The following VPS13B variants were observed in gnomAD, a reference collection of about 807,000 sequenced individuals.
The protein encoded by VPS13B is intermembrane lipid transfer protein VPS13B.
In VPS13B, 285 loss-of-function variants were observed where a neutral mutation model predicts 426.4. That is an observed-to-expected ratio of 0.67 (90% CI 0.61 to 0.74). The LOEUF is 0.74. Ranked by LOEUF, VPS13B falls within the 30% of genes least tolerant of loss-of-function variation. The pLI, the probability that VPS13B is intolerant of heterozygous loss-of-function variation, is 0.00. For synonymous variants in VPS13B, 1,676 were observed against 1,676.4 expected (o/e 1.00, Z 0.01); for missense variants, 4,537 against 4,782.6 (o/e 0.95, Z 1.51).
chr8:99,207,162 A>G (rs1015783577), intron 17 of VPS13B, among the ~76,000 whole-genome samples: 1 of 152,166 alleles, frequency 6.6e-6, no homozygotes, highest in Non-Finnish European at 1.5e-5. Flanking sequence ...GAGCTCATTT[A>G]TAGAATATGT....
chr8:99,020,455 T>C (rs1392221934), intron 2 of VPS13B, among the ~76,000 whole-genome samples: 1 of 152,206 alleles, frequency 6.6e-6, no homozygotes, highest in East Asian at 1.9e-4. Flanking sequence ...TCTATAATAG[T>C]GTCCTTTGAT....
At chr8:99,087,045 C>A (rs971559473) in intron 3 of VPS13B, among the ~76,000 whole-genome samples, 8 of 152,190 alleles carry the variant, frequency 5.3e-5, no homozygotes, top group African/African-American at 1.9e-4. Context: ...CTATGCCCTG[C>A]CCGCAGAGGT....
At chr8:99,873,302 A>C (rs375673365) in intron 61 of VPS13B, 1 of 152,148 alleles carries the variant, frequency 6.6e-6, no homozygotes, top group African/African-American at 2.4e-5. Flanking sequence ...AGCTGGAAGG[A>C]AACAGACCTC....
intron 35 of VPS13B, chr8:99,696,707 C>T: frequency 1.2e-6 from 1 of 856,518 alleles, no homozygotes; most frequent in Non-Finnish European, 2.0e-6. Flanking sequence ...GCAGTGCCAC[C>T]AGACTTCTCC....
At chr8:99,271,110 A>G (rs960106446) in intron 17 of VPS13B, among the ~76,000 whole-genome samples, 1 of 152,082 alleles carries the variant, frequency 6.6e-6, no homozygotes, top group Non-Finnish European at 1.5e-5. Flanking sequence ...GGCACTCAGT[A>G]AGTGCTCAGT....
intron 6 of VPS13B, among the ~76,000 whole-genome samples, chr8:99,114,084 T>C (rs868228567): frequency 3.3e-5 from 5 of 152,234 alleles, no homozygotes; most frequent in Middle Eastern, 3.4e-3. Context: ...ATTCTGTGCA[T>C]AGAACTTTGA....
At chr8:99,284,527 G>A (rs966373007) in intron 19 of VPS13B, among the ~76,000 whole-genome samples, 1 of 151,890 alleles carries the variant, frequency 6.6e-6, no homozygotes, top group Admixed American at 6.6e-5. Flanking sequence ...ATGTTACTTT[G>A]AGCAAGTAAA....
rs1043885221 is a variant in VPS13B at position 99,051,688 on chromosome 8, T to C, written c.291+13122T>C. Among the ~76,000 whole-genome samples, 10 of 152,360 alleles carry C rather than the reference T, an allele frequency of 6.6e-5. No individual in the cohort carries two copies. The South Asian group carries it at 8.3e-4, about 13-fold the overall frequency. ...CATGCAATGTTCTTCCATTTGTTTG[T>C]ATCCTCTTTTATTTCATTGAGCAGT... On this transcript the variant is annotated intron_variant, in intron 3 of 61. Transcript: ENST00000357162.
intron 20 of VPS13B, among the ~76,000 whole-genome samples, chr8:99,390,504 T>A: frequency 6.6e-6 from 1 of 152,328 alleles, no homozygotes; most frequent in East Asian, 1.9e-4. Context: ...TACATAGTTA[T>A]ATAATAAACA....
intron 58 of VPS13B, among the ~76,000 whole-genome samples, chr8:99,866,781 G>C (rs1017281565): frequency 6.6e-6 from 1 of 152,252 alleles, no homozygotes; most frequent in Non-Finnish European, 1.5e-5. Context: ...CTGTCCCTCA[G>C]TGTGGCCACT....
intron 35 of VPS13B, among the ~76,000 whole-genome samples, chr8:99,683,300 A>G (rs1303335699): frequency 6.6e-6 from 1 of 152,124 alleles, no homozygotes; most frequent in Non-Finnish European, 1.5e-5. Context: ...CAATGTTGTT[A>G]TTCTTTCTCA....
chr8:99,536,692 A>G, intron 30 of VPS13B: 2 of 534,520 alleles, frequency 3.7e-6, no homozygotes, highest in South Asian at 1.4e-5. Context: ...TCCCTGTCCC[A>G]TGTCAGCTTA....
chr8:99,489,913 TG>T (rs1351370887), intron 25 of VPS13B, among the ~76,000 whole-genome samples: 1 of 152,216 alleles, frequency 6.6e-6, no homozygotes, highest in Admixed American at 6.5e-5. Context: ...CCTGCCTGAT[TG>T]CCCTGGTTGG....
chr8:99,291,500 C>G (rs1239208038), intron 19 of VPS13B, among the ~76,000 whole-genome samples: 1 of 152,058 alleles, frequency 6.6e-6, no homozygotes, highest in African/African-American at 2.4e-5. Context: ...ATTCTATTTA[C>G]TTTAATTTAT....
chr8:99,757,237 C>G (rs1428050671), intron 39 of VPS13B, among the ~76,000 whole-genome samples: 2 of 151,988 alleles, frequency 1.3e-5, no homozygotes, highest in Admixed American at 1.3e-4. Flanking sequence ...ACTCTAATAA[C>G]TAAGTCTAGA....
Position 99,536,606 on chromosome 8 carries a change from G to T in VPS13B, c.4745+15596G>T, listed in dbSNP as rs139580121. On this transcript the variant is annotated intron_variant, in intron 30 of 61. Coordinates refer to ENST00000357162, the MANE Select transcript of VPS13B (RefSeq NM_152564.5). Reference sequence around the variant, plus strand: ...AAAGGAAATAATGTTTTGTATCCTGGGACCCCATTATCCTTTAACTGAATT... The same window carrying T: ...AAAGGAAATAATGTTTTGTATCCTGTGACCCCATTATCCTTTAACTGAATT... 557 of 530,776 alleles carry T rather than the reference G, an allele frequency of 1.0e-3. 5 individuals carry two copies. Among genetic ancestry groups the T allele is most frequent in the East Asian group, 6.7e-3 (122 of 18,232 alleles). The allele number at this position is 530,776 out of a possible 1,614,324, so 32.9% of individuals were successfully genotyped here.
intron 3 of VPS13B, among the ~76,000 whole-genome samples, chr8:99,043,299 A>G (rs1843057191): frequency 6.6e-6 from 1 of 152,142 alleles, no homozygotes; most frequent in Non-Finnish European, 1.5e-5. Context: ...TGGAATTTTA[A>G]GTGTGGATTA....
intron 17 of VPS13B, among the ~76,000 whole-genome samples, chr8:99,196,669 C>T (rs1015119133): frequency 2.0e-5 from 3 of 151,996 alleles, no homozygotes; most frequent in Non-Finnish European, 2.9e-5. Context: ...GAACTCCTTA[C>T]CTCAAGTAAT....
chr8:99,690,566 T>C (rs912033945), intron 35 of VPS13B, among the ~76,000 whole-genome samples: 1 of 152,154 alleles, frequency 6.6e-6, no homozygotes, highest in Non-Finnish European at 1.5e-5. Context: ...ATATCTGATA[T>C]GATATATCTG....
Sources: allele counts gnomAD v4.1 joint callset (sites outside exome capture counted in the v4.1 genomes callset), GRCh38; gene constraint gnomAD v4.1.1; transcripts MANE v1.5; gene names NCBI Gene and HGNC (gene_info 2026-07-23, HGNC 2026-07-21).